Variants in FRMD4B observed in about 807,000 individuals in gnomAD.
The protein encoded by FRMD4B is FERM domain containing 4B, also known as FERM domain-containing protein 4B.
A neutral mutation model predicts 141.5 loss-of-function variants in FRMD4B; 74 were observed. The ratio of observed to expected loss-of-function variants is 0.52; its 90% CI spans 0.43 to 0.63. FRMD4B has a LOEUF of 0.63. Ranked by LOEUF, FRMD4B falls within the 30% of genes least tolerant of loss-of-function variation. The probability of loss-of-function intolerance (pLI) is 0.00; values close to 1 mark genes in which losing one functional copy is unlikely to be tolerated. For synonymous variants in FRMD4B, 506 were observed against 467.9 expected (o/e 1.08, Z -1.05); for missense variants, 1,366 against 1,253.4 (o/e 1.09, Z -1.36).
In FRMD4B at chr3:69,231,361, A is replaced by G. The variant is rs142152196; in HGVS notation, c.582-6671T>C. Among the ~76,000 whole-genome samples the G allele has an allele frequency of 4.5e-3, 690 of 152,056 alleles. 5 individuals carry two copies. Among genetic ancestry groups the G allele is most frequent in the African/African-American group, 0.016 (665 of 41,448 alleles). On this transcript the variant is annotated intron_variant, in intron 7 of 22. Transcript: ENST00000398540. ...GGAGTGCAGTGGCACCATCTTGGCTAACTGCAACCTCCGCCTCCTGGGTTT... is the reference window on the plus strand; with the variant it reads ...GGAGTGCAGTGGCACCATCTTGGCTGACTGCAACCTCCGCCTCCTGGGTTT...
chr3:69,192,323 C>T (rs1345563821), intron 17 of FRMD4B, among the ~76,000 whole-genome samples: 1 of 152,044 alleles, frequency 6.6e-6, no homozygotes, highest in Non-Finnish European at 1.5e-5. Flanking sequence ...CTGCAGTGAG[C>T]TTTGATGGTA....
chr3:69,540,101 G>A (rs532430721), intron 1 of FRMD4B, among the ~76,000 whole-genome samples: 3 of 152,220 alleles, frequency 2.0e-5, no homozygotes, highest in Admixed American at 6.5e-5. Flanking sequence ...GTTGAGGGAA[G>A]AGAATCGCAT....
intron 2 of FRMD4B, among the ~76,000 whole-genome samples, chr3:69,312,236 T>C (rs540018539): frequency 1.3e-5 from 2 of 152,276 alleles, no homozygotes; most frequent in Non-Finnish European, 1.5e-5. Flanking sequence ...AAAAGGGGAA[T>C]CCTTGCAGGA....
At chr3:69,293,545 T>A (rs569086522) in intron 4 of FRMD4B, among the ~76,000 whole-genome samples, 53 of 152,010 alleles carry the variant, frequency 3.5e-4, no homozygotes, top group African/African-American at 1.1e-3. Context: ...ACTGACTTAG[T>A]TGGGAACATC....
At chr3:69,265,597 A>G (rs898464888) in intron 5 of FRMD4B, among the ~76,000 whole-genome samples, 12 of 150,562 alleles carry the variant, frequency 8.0e-5, no homozygotes, top group South Asian at 2.1e-4. Context: ...ATAGGCGCCC[A>G]CCACCAAGCC....
At chr3:69,263,429 G>A (rs1206425097) in intron 5 of FRMD4B, among the ~76,000 whole-genome samples, 2 of 128,780 alleles carry the variant, frequency 1.6e-5, no homozygotes, top group Non-Finnish European at 3.1e-5. Context: ...TTGAGACAGG[G>A]TCTTGCTCTC....
At chr3:69,309,478 C>T (rs758795957) in intron 3 of FRMD4B, among the ~76,000 whole-genome samples, 8 of 151,284 alleles carry the variant, frequency 5.3e-5, no homozygotes, top group Admixed American at 6.6e-5. Context: ...CTCACTCTGT[C>T]GCCCAGGCTG....
chr3:69,326,604 T>C (rs1702200836), intron 1 of FRMD4B, among the ~76,000 whole-genome samples: 1 of 152,216 alleles, frequency 6.6e-6, no homozygotes. Flanking sequence ...GTGAAGCAGA[T>C]AGTTTCCATA....
chr3:69,328,719 C>T (rs995137321), intron 1 of FRMD4B, among the ~76,000 whole-genome samples: 5 of 152,194 alleles, frequency 3.3e-5, no homozygotes, highest in Non-Finnish European at 5.9e-5. Context: ...AATGCAATTG[C>T]ATGCTTTAAG....
rs1243273068 is a variant in FRMD4B, at chr3:69,252,845, G to C, written c.502-2746C>G. On this transcript the variant is annotated intron_variant, in intron 5 of 22. Transcript: ENST00000398540. ...GGATCTCCTCAAAGAGAGAGGTAAC[G>C]GGACACTTCAGTGAGTTTCCATGAC... Among the ~76,000 whole-genome samples the C allele has an allele frequency of 2.0e-5, 3 of 152,124 alleles. No individual in the cohort carries two copies. In the East Asian group the frequency reaches 5.8e-4, roughly 29 times the overall value.
intron 1 of FRMD4B, among the ~76,000 whole-genome samples, chr3:69,518,588 T>C (rs961718227): frequency 1.3e-5 from 2 of 152,202 alleles, no homozygotes; most frequent in African/African-American, 4.8e-5. Flanking sequence ...GTCCACATTG[T>C]AGCAGAGAAT....
chr3:69,365,773 C>T (rs955551393), intron 1 of FRMD4B, among the ~76,000 whole-genome samples: 74 of 152,094 alleles, frequency 4.9e-4, no homozygotes, highest in African/African-American at 1.8e-3. Flanking sequence ...GCTGGGATTA[C>T]AGGTGTGAGC....
At chr3:69,292,957 C>T (rs1457025379) in intron 4 of FRMD4B, 1 of 440,354 alleles carries the variant, frequency 2.3e-6, no homozygotes, top group East Asian at 7.2e-5. Context: ...AATAGGCACA[C>T]ATTTTGGAGA....
chr3:69,258,111 G>A (rs1018219624), intron 5 of FRMD4B, among the ~76,000 whole-genome samples: 2 of 152,072 alleles, frequency 1.3e-5, no homozygotes, highest in African/African-American at 2.4e-5. Context: ...TTACAGGTGT[G>A]AGCCACCGTG....
At chr3:69,217,138 G>A (rs775676291) in intron 10 of FRMD4B, among the ~76,000 whole-genome samples, 91 of 152,302 alleles carry the variant, frequency 6.0e-4, no homozygotes, top group Admixed American at 8.5e-4. Flanking sequence ...AACCCTTTTG[G>A]AGAACTGTAC....
chr3:69,252,656 GA>G (rs1466447169), intron 5 of FRMD4B, among the ~76,000 whole-genome samples: 1 of 152,132 alleles, frequency 6.6e-6, no homozygotes, highest in Non-Finnish European at 1.5e-5. Context: ...AATTTCATTT[GA>G]TGAAATTTAA....
chr3:69,353,741 T>C lies in FRMD4B; in HGVS notation c.162+32087A>G. 3 of 979,162 alleles carry C rather than the reference T, an allele frequency of 3.1e-6. No homozygotes were observed. The South Asian group carries it at 1.4e-4, about 46-fold the overall frequency. 60.7% of individuals were successfully genotyped at this position (979,162 alleles called of 1,614,324 possible). ...ACTCCCGACGCCTTCCGCTGCCATA[T>C]AATCTCAAGGAAATGACCATACTGT... is the stretch of plus-strand genomic sequence containing the variant. On this transcript the variant is annotated intron_variant, in intron 1 of 22. Transcript: ENST00000398540.
rs1048313988 is a variant in FRMD4B, at chr3:69,218,380, C to G, written c.732-1G>C. ...TAGAGCTTCTACTATTTTCATATAC[C>G]TATGGAAAATAAATATGTATCACAA... On this transcript the variant is annotated splice_acceptor_variant, in intron 9 of 22. Transcript: ENST00000398540. LOFTEE classifies it high-confidence loss of function. The G allele has an allele frequency of 2.2e-6, 3 of 1,358,248 alleles. No homozygotes were observed. Among genetic ancestry groups the G allele is most frequent in the Non-Finnish European group, 3.1e-6 (3 of 956,726 alleles). 84.1% of individuals were successfully genotyped at this position (1,358,248 alleles called of 1,614,324 possible). A position where few individuals can be genotyped will look rare whatever the true frequency, so the allele number is the denominator to read the frequency against.
chr3:69,177,354 A>G (rs2107577688), intron 21 of FRMD4B, among the ~76,000 whole-genome samples: 1 of 152,264 alleles, frequency 6.6e-6, no homozygotes, highest in South Asian at 2.1e-4. Flanking sequence ...AAATAAATAA[A>G]TAAAAATAAT....
Sources: allele counts gnomAD v4.1 joint callset (sites outside exome capture counted in the v4.1 genomes callset), GRCh38; gene constraint gnomAD v4.1.1; transcripts MANE v1.5; gene names NCBI Gene and HGNC (gene_info 2026-07-23, HGNC 2026-07-21).